Variants in PODN observed in about 807,000 individuals in gnomAD.
PODN encodes the protein podocan proteoglycan.
In PODN, 40 loss-of-function variants were observed where a neutral mutation model predicts 52.7. The ratio of observed to expected loss-of-function variants is 0.76; its 90% CI spans 0.59 to 0.99. The LOEUF (loss-of-function observed/expected upper bound fraction) is 0.99, where lower values mean the gene tolerates loss of function less well. Among genes scored for constraint, PODN ranks in the 50% least tolerant of loss-of-function variants. PODN has a pLI of 0.00. For synonymous variants in PODN, 396 were observed against 377.9 expected (o/e 1.05, Z -0.56); for missense variants, 720 against 815.1 (o/e 0.88, Z 1.42).
At chr1:53,084,287 G>C (rs536119772) in intron 10 of PODN, among the ~76,000 whole-genome samples, 2 of 152,076 alleles carry the variant, frequency 1.3e-5, no homozygotes, top group African/African-American at 4.8e-5. Context: ...CAGGTCAGTT[G>C]AGTGGGGCTC....
intron 4 of PODN, among the ~76,000 whole-genome samples, chr1:53,075,633 G>A (rs1644182933): frequency 6.6e-6 from 1 of 152,300 alleles, no homozygotes; most frequent in South Asian, 2.1e-4. Context: ...GGACGGGCAG[G>A]GCAGGGGACA....
chr1:53,076,933 C>T (rs541538149), intron 5 of PODN, among the ~76,000 whole-genome samples: 5 of 152,262 alleles, frequency 3.3e-5, no homozygotes, highest in Admixed American at 1.3e-4. Context: ...CCTTGAAAGG[C>T]GTGGAGGGGC....
intron 6 of PODN, 125 bp from the exon 7 acceptor site, chr1:53,077,560 G>C: frequency 8.6e-7 from 1 of 1,159,262 alleles, no homozygotes; most frequent in South Asian, 1.5e-5. Context: ...CCCCACACCT[G>C]GGTTGCTTCA....
chr1:53,073,230 C>T (rs1051879091), intron 3 of PODN: 22 of 218,724 alleles, frequency 1.0e-4, no homozygotes, highest in African/African-American at 3.7e-4. Context: ...GGGACATTGT[C>T]GTGTTTCCCA....
intron 1 of PODN, among the ~76,000 whole-genome samples, chr1:53,067,065 A>G (rs976136146): frequency 5.3e-5 from 8 of 152,206 alleles, no homozygotes; most frequent in South Asian, 2.1e-4. Context: ...TATGGGAATG[A>G]TGGTCTGTAG....
chr1:53,083,459 G>A (rs1269635484), intron 10 of PODN, among the ~76,000 whole-genome samples: 1 of 152,206 alleles, frequency 6.6e-6, no homozygotes. Context: ...TGTGGGAATG[G>A]TAGAAGTTGC....
chr1:53,076,081 C>G, intron 5 of PODN, 110 bp downstream of exon 5: 1 of 955,768 alleles, frequency 1.0e-6, no homozygotes, highest in East Asian at 2.6e-5. Context: ...GCCCTGCACT[C>G]AGGGCTGTGG....
intron 5 of PODN, among the ~76,000 whole-genome samples, chr1:53,076,436 C>T (rs913143476): frequency 6.6e-6 from 1 of 152,140 alleles, no homozygotes; most frequent in African/African-American, 2.4e-5. Context: ...GTCTGAGGAC[C>T]CAGGACCACT....
At chr1:53,071,383 G>C (rs1308086207) in intron 2 of PODN, 152 bp from the exon 3 acceptor site, 2 of 657,200 alleles carry the variant, frequency 3.0e-6, no homozygotes, top group Admixed American at 3.0e-5. Flanking sequence ...CCCAGAGCTG[G>C]CACCGGGGGT....
chr1:53,081,254 T>C (rs991956630), intron 9 of PODN, among the ~76,000 whole-genome samples: 11 of 152,190 alleles, frequency 7.2e-5, no homozygotes, highest in Non-Finnish European at 1.3e-4. Flanking sequence ...CCCTGGCTTC[T>C]GGGGCTAAGA....
At position 53,078,508 on chromosome 1, in the gene PODN, G is replaced by A. The variant is rs552867211; in HGVS notation, c.998G>A (p.Arg333His). The stretch of plus-strand genomic sequence containing the variant: ...GACGCGAATGTGCTGACCCCCATCC[G>A]CAGCCTGGAGTACCTGCTGCTGCAC... ...SVDANVLTPIRSLEYLLLHSN... is the reference protein window; with the variant it reads ...SVDANVLTPIHSLEYLLLHSN... The change falls in exon 8 of 11, where the codon CGC (arginine) becomes CAC (histidine). Residue 333 changes from arginine to histidine, a missense_variant. Coordinates refer to ENST00000312553, the MANE Select transcript of PODN (RefSeq NM_153703.5). 2.3e-5 allele frequency: 37 copies of A among 1,613,172 alleles called. No homozygotes were observed. Among genetic ancestry groups the A allele is most frequent in the South Asian group, 4.4e-5 (4 of 91,092 alleles).
rs568563564 is a variant in PODN at position 53,070,128 on chromosome 1, G to C, written c.273G>C (p.Pro91=). The C allele has an allele frequency of 5.6e-6, 9 of 1,611,336 alleles. No homozygotes were observed. The East Asian group carries it at 2.0e-4, about 36-fold the overall frequency. ...DCGGIDLREF[P]GDLPEHTNHL... ...GCGGTATTGACCTGCGTGAGTTCCC[G>C]GGGGACCTGCCTGAGCACACCAACC... is the stretch of plus-strand genomic sequence containing the variant. The change falls in exon 2 of 11, where the codon CCG becomes CCC. Residue 91 remains proline, a synonymous_variant. Transcript: ENST00000312553.
rs765806286 is a variant in PODN, at chr1:53,077,711, G to A, written c.765G>A (p.Pro255=). Residue 255 remains proline, a synonymous_variant, in exon 7 of 11, where the codon CCG becomes CCA. Coordinates refer to ENST00000312553, the MANE Select transcript of PODN (RefSeq NM_153703.5). ...LKNNKLEKIP[P]GAFSELSSLR... is the part of the protein sequence containing the mutation. ...ACAACAAGCTGGAGAAGATCCCCCC[G>A]GGGGCCTTCAGCGAGCTGAGCAGCC... 5.0e-6 allele frequency: 8 copies of A among 1,613,372 alleles called. No homozygotes were observed. The highest frequency in any genetic ancestry group is 3.3e-5 in the South Asian group (3 of 91,050).
At chr1:53,066,894 G>A (rs1477267168) in intron 1 of PODN, 3 of 1,541,760 alleles carry the variant, frequency 1.9e-6, no homozygotes. Context: ...TGTGAGACCA[G>A]AGCTCCTTCC....
At chr1:53,075,330 C>T (rs567405247) in intron 4 of PODN, among the ~76,000 whole-genome samples, 1 of 152,208 alleles carries the variant, frequency 6.6e-6, no homozygotes, top group Non-Finnish European at 1.5e-5. Context: ...CTCTGTCATC[C>T]CAGCTCTGCA....
intron 3 of PODN, among the ~76,000 whole-genome samples, chr1:53,071,944 C>G (rs979419717): frequency 6.6e-6 from 1 of 151,874 alleles, no homozygotes; most frequent in Non-Finnish European, 1.5e-5. Flanking sequence ...AAGAGAATTT[C>G]ACAAGTGTAA....
chr1:53,080,949 CG>C, intron 9 of PODN, 73 bp downstream of exon 9: 1 of 1,565,726 alleles, frequency 6.4e-7, no homozygotes, highest in Non-Finnish European at 8.7e-7. Context: ...AGTTGATGCA[CG>C]TGGGAACAGC....
intron 1 of PODN, among the ~76,000 whole-genome samples, chr1:53,068,240 G>A (rs950971711): frequency 2.6e-5 from 4 of 152,180 alleles, no homozygotes; most frequent in African/African-American, 9.7e-5. Flanking sequence ...TGCAGCTCAG[G>A]CCGCTAGCTC....
At chr1:53,084,082 G>A (rs2150309298) in intron 10 of PODN, among the ~76,000 whole-genome samples, 1 of 152,212 alleles carries the variant, frequency 6.6e-6, no homozygotes, top group Non-Finnish European at 1.5e-5. Context: ...TGGAGGGGCT[G>A]GCAAGAGGCT....
Sources: allele counts gnomAD v4.1 joint callset (sites outside exome capture counted in the v4.1 genomes callset), GRCh38; gene constraint gnomAD v4.1.1; transcripts MANE v1.5; gene names NCBI Gene and HGNC (gene_info 2026-07-23, HGNC 2026-07-21).